OR3A2: variants seen among roughly 807,000 people sequenced by gnomAD.
OR3A2 encodes olfactory receptor family 3 subfamily A member 2.
For synonymous variants in OR3A2, 126 were observed against 159.3 expected (o/e 0.79, Z 1.57); for missense variants, 318 against 392.8 (o/e 0.81, Z 1.61).
intron 3 of OR3A2, among the ~76,000 whole-genome samples, chr17:3,304,387 T>C (rs924670175): frequency 1.3e-5 from 2 of 152,206 alleles, no homozygotes; most frequent in African/African-American, 2.4e-5. Context: ...GAACTCTGTC[T>C]CCTCAATTCA....
chr17:3,284,868 A>G (rs9915986), upstream of OR3A2, among the ~76,000 whole-genome samples: 14,301 of 133,082 alleles, frequency 0.11, 973 homozygotes, highest in African/African-American at 0.18. Flanking sequence ...TTTGAGCAGA[A>G]ACAAGCCAAT....
At chr17:3,283,328 C>T (rs1445334803) in intron 1 of OR3A2, among the ~76,000 whole-genome samples, 4 of 152,124 alleles carry the variant, frequency 2.6e-5, no homozygotes, top group Non-Finnish European at 2.9e-5. Context: ...TGGGTTCAAG[C>T]GATTCTCCTG....
chr17:3,338,203 T>C (rs1044597841), intron 2 of OR3A2, among the ~76,000 whole-genome samples: 14 of 152,226 alleles, frequency 9.2e-5, no homozygotes. Flanking sequence ...TGCAAAAATT[T>C]TCTCCCATTC....
chr17:3,317,081 G>A (rs2049086886), intron 3 of OR3A2, among the ~76,000 whole-genome samples: 2 of 152,184 alleles, frequency 1.3e-5, no homozygotes, highest in Admixed American at 6.5e-5. Context: ...CAGGCAATAA[G>A]GTTGAGTACC....
intron 3 of OR3A2, among the ~76,000 whole-genome samples, chr17:3,306,688 A>AAAAAAC: frequency 6.7e-6 from 1 of 149,270 alleles, no homozygotes; most frequent in African/African-American, 2.6e-5. Flanking sequence ...TCAAAAAAAA[A>AAAAAAC]AAAAAAACCG....
chr17:3,363,028 T>C (rs757339856), intron 2 of OR3A2, among the ~76,000 whole-genome samples: 4 of 151,818 alleles, frequency 2.6e-5, no homozygotes, highest in African/African-American at 4.9e-5. Context: ...ACCTGGCCCA[T>C]GACACCATTT....
Position 3,356,102 on chromosome 17 carries a change from C to T in OR3A2, c.-178-19976G>A, listed in dbSNP as rs1364649988. On this transcript the variant is annotated intron_variant, in intron 2 of 4. Coordinates refer to the OR3A2 transcript ENST00000573491. ...GAGTGCATAAACAATCAAACAAACA[C>T]ACAAAAAGAAATAACTAATAAAAAT... Among the ~76,000 whole-genome samples, 2 of 151,322 alleles carry T rather than the reference C, an allele frequency of 1.3e-5. 1 individual carries two copies. The highest frequency in any genetic ancestry group is 4.9e-5 in the African/African-American group (2 of 40,894).
intron 3 of OR3A2, among the ~76,000 whole-genome samples, chr17:3,317,638 A>G (rs927305226): frequency 1.3e-5 from 2 of 152,178 alleles, no homozygotes; most frequent in Non-Finnish European, 2.9e-5. Context: ...AATGGGAATC[A>G]TACCATGAAC....
At chr17:3,308,097 G>A (rs2049011254) in intron 3 of OR3A2, among the ~76,000 whole-genome samples, 2 of 152,180 alleles carry the variant, frequency 1.3e-5, no homozygotes, top group African/African-American at 4.8e-5. Context: ...CCATATTGAA[G>A]AAGGCTGTAC....
At chr17:3,374,937 C>T (rs993123013) in intron 2 of OR3A2, among the ~76,000 whole-genome samples, 13 of 152,110 alleles carry the variant, frequency 8.5e-5, no homozygotes, top group African/African-American at 3.1e-4. Context: ...TTAGCTCTCA[C>T]TTATGAGTGG....
At chr17:3,383,967 A>AAATATTTATTGAATAAATATTGTATAC (rs147602696) in intron 1 of OR3A2, 31 of 114,350 alleles carry the variant, frequency 2.7e-4, no homozygotes, top group South Asian at 6.4e-4. Flanking sequence ...TATTGTATAC[A>AAATATTTATTGAATAAATATTGTATAC]AATATTTATT....
chr17:3,280,150 GCA>G (rs2048768189), intron 1 of OR3A2, among the ~76,000 whole-genome samples: 2 of 152,146 alleles, frequency 1.3e-5, no homozygotes, highest in Admixed American at 1.3e-4. Context: ...ATTCTGCATT[GCA>G]CAGTCACTGT....
chr17:3,345,723 A>G (rs2049358646), intron 2 of OR3A2, among the ~76,000 whole-genome samples: 1 of 152,136 alleles, frequency 6.6e-6, no homozygotes, highest in Non-Finnish European at 1.5e-5. Context: ...AAAGGCCCCA[A>G]AGTTTTAACA....
intron 2 of OR3A2, among the ~76,000 whole-genome samples, chr17:3,359,920 C>T (rs1053824016): frequency 6.6e-6 from 1 of 151,730 alleles, no homozygotes; most frequent in Non-Finnish European, 1.5e-5. Flanking sequence ...ATTTATATTC[C>T]TTCAGGTATA....
At chr17:3,297,658 C>G (rs553185179) in intron 3 of OR3A2, among the ~76,000 whole-genome samples, 74 of 148,832 alleles carry the variant, frequency 5.0e-4, no homozygotes, top group African/African-American at 1.9e-3. Context: ...GGCTTGCCAA[C>G]AGATTTCTGC....
At chr17:3,371,683 G>T (rs1305681152) in intron 2 of OR3A2, among the ~76,000 whole-genome samples, 2 of 140,544 alleles carry the variant, frequency 1.4e-5, no homozygotes, top group Non-Finnish European at 3.1e-5. Flanking sequence ...GGGGCGGCTG[G>T]CCGGGCGGGG....
At chr17:3,329,665 C>G (rs1327826082) in intron 3 of OR3A2, among the ~76,000 whole-genome samples, 1 of 134,822 alleles carries the variant, frequency 7.4e-6, no homozygotes, top group Non-Finnish European at 1.6e-5. Context: ...AAAACCAGCT[C>G]CTGGATTCGT....
chr17:3,306,308 C>T (rs914268553), intron 3 of OR3A2, among the ~76,000 whole-genome samples: 1 of 152,070 alleles, frequency 6.6e-6, no homozygotes, highest in Non-Finnish European at 1.5e-5. Flanking sequence ...TGTGCCACCA[C>T]AGTCAGCTAA....
At chr17:3,369,804 AC>A (rs904445935) in intron 2 of OR3A2, among the ~76,000 whole-genome samples, 3 of 75,826 alleles carry the variant, frequency 4.0e-5, no homozygotes, top group African/African-American at 1.9e-4. Flanking sequence ...TTAGATTGGT[AC>A]TTTTTTTTTT....
Sources: allele counts gnomAD v4.1 joint callset (sites outside exome capture counted in the v4.1 genomes callset), GRCh38; gene constraint gnomAD v4.1.1; transcripts MANE v1.5; gene names NCBI Gene and HGNC (gene_info 2026-07-23, HGNC 2026-07-21).